HADHA: variants seen among roughly 807,000 people sequenced by gnomAD.
The protein encoded by HADHA is trifunctional enzyme subunit alpha, mitochondrial.
Under a neutral mutation model 91.3 loss-of-function variants are expected in HADHA, and 59 were observed. That is an observed-to-expected ratio of 0.65 (90% CI 0.52 to 0.80). HADHA has a LOEUF of 0.80. HADHA is among the 30% of genes least tolerant of loss of function. The pLI is 0.00. For synonymous variants in HADHA, 320 were observed against 338.9 expected, an observed-to-expected ratio of 0.94 and a Z score of 0.61; for missense variants, 800 against 927.6, an observed-to-expected ratio of 0.86 and a Z score of 1.79.
intron 18 of HADHA, 108 bp downstream of exon 18, chr2:26,192,202 C>T: frequency 1.4e-6 from 1 of 690,918 alleles, no homozygotes; most frequent in Admixed American, 2.2e-5. Context: ...GCACATGTAT[C>T]CCAGGACTTA....
At chr2:26,202,616 C>G (rs1669873799) in intron 12 of HADHA, among the ~76,000 whole-genome samples, 1 of 152,174 alleles carries the variant, frequency 6.6e-6, no homozygotes, top group African/African-American at 2.4e-5. Context: ...TGGCGCATGC[C>G]TGTAGTCTCA....
At position 26,212,590 on chromosome 2, in the gene HADHA, C is replaced by T. The variant is rs752317877; in HGVS notation, c.955G>A (p.Gly319Ser). ...TTTACCTGAGATTCACAGAGATAAC[C>T]GGCATCACTCCCTTGCTCAATTCCA... ...KTGIEQGSDA[G>S]YLCESQKFGE... is the part of the protein sequence containing the mutation. Residue 319 changes from glycine (G) to serine (S), a missense_variant, in exon 10 of 20, where the codon GGT (glycine) becomes AGT (serine). Physicochemically the swap from Gly to Ser is moderately conservative, Grantham distance 56. Transcript: ENST00000380649. 79 of 1,596,240 alleles carry T rather than the reference C, an allele frequency of 4.9e-5. No homozygotes were observed. Among genetic ancestry groups the T allele is most frequent in the Non-Finnish European group, 6.6e-5 (77 of 1,163,838 alleles).
At position 26,209,710 on chromosome 2, in the gene HADHA, T is replaced by C; in HGVS notation, c.1085+70A>G. 3.6e-6 allele frequency: 3 copies of C among 822,638 alleles called. No homozygotes were observed. In the South Asian group the frequency reaches 4.0e-5, roughly 11 times the overall value. The allele number at this position is 822,638 out of a possible 1,614,324, so 51.0% of individuals were successfully genotyped here. ...TAAGATACAGATCTAGCTCTGTAGA[T>C]CTTCAAAGCCTCTGTGAACTTTGCA... On this transcript the variant is annotated intron_variant, in intron 11 of 19. Coordinates refer to ENST00000380649, the MANE Select transcript of HADHA (RefSeq NM_000182.5).
At chr2:26,215,782 C>T (rs1005530783) in intron 7 of HADHA, among the ~76,000 whole-genome samples, 1 of 152,174 alleles carries the variant, frequency 6.6e-6, no homozygotes, top group Non-Finnish European at 1.5e-5. Flanking sequence ...CCCCAAGGAA[C>T]ATTTGTGAAA....
Position 26,195,228 on chromosome 2 carries a change from A to G in HADHA, c.1484T>C (p.Ile495Thr), listed in dbSNP as rs1325654140. ...AAVSKRPEKV[I>T]GMHYFSPVDK... ...CACGGGAGAGAAGTAGTGCATGCCA[A>G]TCACCTGGCAAGGGGAACCAAAAGC... Residue 495 changes from isoleucine (I) to threonine (T), a missense_variant, in exon 15 of 20, where the codon ATT becomes ACT. Coordinates refer to ENST00000380649, the MANE Select transcript of HADHA (RefSeq NM_000182.5). 2.5e-6 allele frequency: 4 copies of G among 1,612,844 alleles called. No individual in the cohort carries two copies. Among genetic ancestry groups the G allele is most frequent in the South Asian group, 1.1e-5 (1 of 91,058 alleles).
Position 26,239,138 on chromosome 2 carries a change from T to C in HADHA, c.73A>G (p.Ile25Val), listed in dbSNP as rs1424927571. Reference sequence around the variant, plus strand: ...GAAGACCCTGTAAAATTGCGGCATATATAACCTGTAAGAAAAGACATTTCA... The same window carrying C: ...GAAGACCCTGTAAAATTGCGGCATACATAACCTGTAAGAAAAGACATTTCA... Reference protein sequence around the residue: ...AFRILRSRGYICRNFTGSSAL... With the variant: ...AFRILRSRGYVCRNFTGSSAL... The change falls in exon 2 of 20, where the codon ATA becomes GTA. Residue 25 changes from isoleucine (I) to valine (V), a missense_variant. Transcript: ENST00000380649. 13 of 1,600,722 alleles carry C rather than the reference T, an allele frequency of 8.1e-6. No individual in the cohort carries two copies. Among genetic ancestry groups the C allele is most frequent in the Non-Finnish European group, 9.4e-6 (11 of 1,168,104 alleles).
At chr2:26,226,406 T>C (rs1032253000) in intron 7 of HADHA, among the ~76,000 whole-genome samples, 20 of 152,324 alleles carry the variant, frequency 1.3e-4, no homozygotes, top group African/African-American at 4.8e-4. Context: ...GGAGGACTCA[T>C]ACTGCTTAAT....
At chr2:26,191,727 G>A in intron 18 of HADHA, 99 bp from the exon 19 acceptor site, 2 of 1,220,830 alleles carry the variant, frequency 1.6e-6, no homozygotes, top group African/African-American at 1.5e-5. Context: ...TGCATGGGGA[G>A]CTCTGTGGGC....
intron 7 of HADHA, among the ~76,000 whole-genome samples, chr2:26,222,123 G>A (rs951149739): frequency 1.3e-5 from 2 of 151,524 alleles, no homozygotes; most frequent in African/African-American, 4.9e-5. Flanking sequence ...CCATTAGGGT[G>A]TACCCTAATC....
chr2:26,244,456 C>T, intron 1 of HADHA, 74 bp downstream of exon 1: 5 of 1,453,300 alleles, frequency 3.4e-6, no homozygotes, highest in Non-Finnish European at 4.7e-6. Flanking sequence ...GAAAGGGAGA[C>T]GCGGCTCCGG....
chr2:26,242,215 C>T (rs1286274502), intron 1 of HADHA, among the ~76,000 whole-genome samples: 4 of 152,186 alleles, frequency 2.6e-5, no homozygotes, highest in Non-Finnish European at 5.9e-5. Flanking sequence ...TTATCATCCA[C>T]CAGCAAAGGT....
At chr2:26,238,046 GGCC>G (rs1670802277) in intron 3 of HADHA, among the ~76,000 whole-genome samples, 1 of 152,014 alleles carries the variant, frequency 6.6e-6, no homozygotes, top group Admixed American at 6.6e-5. Context: ...CTTGCTCTGT[GGCC>G]CAGGCTGGAG....
intron 4 of HADHA, 40 bp downstream of exon 4, chr2:26,236,815 A>C: frequency 6.6e-7 from 1 of 1,512,906 alleles, no homozygotes; most frequent in Non-Finnish European, 9.2e-7. Flanking sequence ...ACACACTATT[A>C]ACCAAGATAA....
intron 10 of HADHA, 194 bp downstream of exon 10, chr2:26,212,376 C>T: frequency 1.6e-6 from 1 of 606,696 alleles, no homozygotes; most frequent in Non-Finnish European, 3.0e-6. Context: ...GGTAAACCAC[C>T]ACGCCTGGCC....
rs749851954 is a variant in HADHA at position 26,212,629 on chromosome 2, A to C, written c.919-3T>G. The C allele has an allele frequency of 6.3e-6, 10 of 1,587,912 alleles. No homozygotes were observed. The highest frequency in any genetic ancestry group is 8.6e-6 in the Non-Finnish European group (10 of 1,156,162). On this transcript the variant is annotated splice_region_variant and splice_polypyrimidine_tract_variant and intron_variant, in intron 9 of 19. Transcript: ENST00000380649. ...TGCTCAATTCCAGTCTTTACCACCT[A>C]AAAAACATATAAAGCACTTGCTCAG... is the stretch of plus-strand genomic sequence containing the variant.
chr2:26,211,456 T>C (rs891067741), intron 10 of HADHA, among the ~76,000 whole-genome samples: 1 of 152,054 alleles, frequency 6.6e-6, no homozygotes, highest in South Asian at 2.1e-4. Flanking sequence ...ATATTACACA[T>C]GTTATGAGCT....
intron 11 of HADHA, among the ~76,000 whole-genome samples, chr2:26,206,295 C>G (rs1276482648): frequency 6.7e-6 from 1 of 148,908 alleles, no homozygotes; most frequent in East Asian, 2.0e-4. Flanking sequence ...ACGGTGCGAT[C>G]TCAGCTCATT....
At chr2:26,208,020 T>C (rs188319108) in intron 11 of HADHA, among the ~76,000 whole-genome samples, 2 of 152,328 alleles carry the variant, frequency 1.3e-5, no homozygotes, top group Admixed American at 1.3e-4. Flanking sequence ...GGGTATCTTA[T>C]AGCTTATTCT....
In HADHA at chr2:26,236,741, G is replaced by T. The variant is rs180818930; in HGVS notation, c.314+114C>A. On this transcript the variant is annotated intron_variant, in intron 4 of 19. Transcript: ENST00000380649. ...GATACGTACATTTTCAATTTTACAG[G>T]CCTGTGTCACTGTGCCCAGCACTTC... 8.6e-5 allele frequency: 70 copies of T among 814,934 alleles called. No homozygotes were observed. The Middle Eastern group carries it at 1.8e-3, about 21-fold the overall frequency. The allele number at this position is 814,934 out of a possible 1,614,324, so 50.5% of individuals were successfully genotyped here. A position where few individuals can be genotyped will look rare whatever the true frequency, so the allele number is the denominator to read the frequency against.
Sources: allele counts gnomAD v4.1 joint callset (sites outside exome capture counted in the v4.1 genomes callset), GRCh38; gene constraint gnomAD v4.1.1; transcripts MANE v1.5; gene names NCBI Gene and HGNC (gene_info 2026-07-23, HGNC 2026-07-21).